CSMD1: variants seen among roughly 807,000 people sequenced by gnomAD.
CSMD1 encodes CUB and sushi domain-containing protein 1.
CSMD1 carries 213 observed loss-of-function variants against 417.5 expected under a neutral mutation model. The ratio of observed to expected loss-of-function variants is 0.51; its 90% CI spans 0.46 to 0.57. The LOEUF is 0.57. Among genes scored for constraint, CSMD1 ranks in the 20% least tolerant of loss-of-function variants. The pLI, the probability that CSMD1 is intolerant of heterozygous loss-of-function variation, is 0.00. For missense variants in CSMD1, 6,923 were observed against 4,529.7 expected (o/e 1.53, Z -15.17); for synonymous variants, 2,862 against 1,736.8 (o/e 1.65, Z -16.11).
At chr8:3,032,573 A>G (rs1424002678) in intron 50 of CSMD1, among the ~76,000 whole-genome samples, 1 of 152,044 alleles carries the variant, frequency 6.6e-6, no homozygotes. Context: ...GAATTCAAAT[A>G]AAAACAGAAC....
At chr8:3,529,848 G>T (rs1020499019) in intron 10 of CSMD1, among the ~76,000 whole-genome samples, 4 of 152,042 alleles carry the variant, frequency 2.6e-5, no homozygotes, top group Non-Finnish European at 5.9e-5. Flanking sequence ...CATTTTCTTG[G>T]ACAATAAATT....
chr8:4,767,814 G>A (rs551000278), intron 1 of CSMD1, among the ~76,000 whole-genome samples: 4 of 152,192 alleles, frequency 2.6e-5, no homozygotes, highest in South Asian at 2.1e-4. Context: ...TTATTTACCC[G>A]AGGCACTGGA....
chr8:4,127,871 C>G (rs1042469911), intron 3 of CSMD1, among the ~76,000 whole-genome samples: 19 of 152,138 alleles, frequency 1.2e-4, no homozygotes, highest in Non-Finnish European at 8.8e-5. Context: ...AACCCAGACA[C>G]TGCCAGCAAA....
At chr8:3,910,720 G>C (rs1290742825) in intron 5 of CSMD1, among the ~76,000 whole-genome samples, 9 of 152,076 alleles carry the variant, frequency 5.9e-5, no homozygotes, top group Non-Finnish European at 1.2e-4. Context: ...AGACCATTAA[G>C]GATATAAAAA....
At chr8:4,560,531 G>T (rs1409793124) in intron 2 of CSMD1, among the ~76,000 whole-genome samples, 3 of 152,158 alleles carry the variant, frequency 2.0e-5, no homozygotes, top group African/African-American at 7.2e-5. Context: ...TGCATGCATG[G>T]AAACCTCTGC....
At chr8:4,671,360 A>G (rs1805313613) in intron 1 of CSMD1, among the ~76,000 whole-genome samples, 1 of 152,022 alleles carries the variant, frequency 6.6e-6, no homozygotes, top group African/African-American at 2.4e-5. Flanking sequence ...TATCTACTTA[A>G]AAAAAATTAC....
At chr8:3,144,065 G>C (rs755334285) in intron 40 of CSMD1, among the ~76,000 whole-genome samples, 4 of 152,148 alleles carry the variant, frequency 2.6e-5, no homozygotes, top group African/African-American at 9.7e-5. Context: ...GCCCTGCTTG[G>C]TGGGCATCAC....
chr8:4,458,554 T>G (rs1346470677), intron 2 of CSMD1, among the ~76,000 whole-genome samples: 3 of 152,138 alleles, frequency 2.0e-5, no homozygotes, highest in Non-Finnish European at 4.4e-5. Context: ...ATGTTAACTG[T>G]TACTCTTTGA....
At chr8:4,097,570 A>C (rs918918) in intron 3 of CSMD1, among the ~76,000 whole-genome samples, 1 of 152,074 alleles carries the variant, frequency 6.6e-6, no homozygotes, top group African/African-American at 2.4e-5. Flanking sequence ...TACTCAGTGC[A>C]GTATGATTCT....
intron 25 of CSMD1, among the ~76,000 whole-genome samples, chr8:3,286,679 T>C (rs142214746): frequency 0.021 from 3,104 of 151,408 alleles, 103 homozygotes; most frequent in East Asian, 0.03. Flanking sequence ...GGGTTGTTTT[T>C]TTCTTGTAAA....
At chr8:4,699,702 T>TG in intron 1 of CSMD1, among the ~76,000 whole-genome samples, 1 of 152,278 alleles carries the variant, frequency 6.6e-6, no homozygotes, top group South Asian at 2.1e-4. Flanking sequence ...TTTAAAAATC[T>TG]CCCAGACAAT....
At chr8:4,055,825 T>C (rs1047489511) in intron 3 of CSMD1, among the ~76,000 whole-genome samples, 2 of 141,140 alleles carry the variant, frequency 1.4e-5, no homozygotes, top group Non-Finnish European at 2.9e-5. Context: ...GAAGTGTTGA[T>C]TTTACAGTTG....
At chr8:4,587,653 G>A (rs1193391730) in intron 2 of CSMD1, among the ~76,000 whole-genome samples, 3 of 152,030 alleles carry the variant, frequency 2.0e-5, no homozygotes, top group Non-Finnish European at 2.9e-5. Context: ...ATTTACTGAA[G>A]AGAACTATGT....
chr8:4,730,414 G>A (rs1291367440), intron 1 of CSMD1, among the ~76,000 whole-genome samples: 2 of 152,202 alleles, frequency 1.3e-5, no homozygotes, highest in Middle Eastern at 6.8e-3. Flanking sequence ...AGTTGAGTTA[G>A]GTGGGGTCAT....
At chr8:3,692,721 C>G (rs183377728) in intron 7 of CSMD1, among the ~76,000 whole-genome samples, 1 of 152,144 alleles carries the variant, frequency 6.6e-6, no homozygotes, top group South Asian at 2.1e-4. Flanking sequence ...GCATAAGCCA[C>G]CACGCCTGGC....
At chr8:3,958,920 T>C (rs1330966852) in intron 5 of CSMD1, among the ~76,000 whole-genome samples, 2 of 152,326 alleles carry the variant, frequency 1.3e-5, no homozygotes, top group East Asian at 3.9e-4. Flanking sequence ...TATACAATCA[T>C]TTGTGCAACT....
intron 1 of CSMD1, among the ~76,000 whole-genome samples, chr8:4,802,026 CATTTGCAAAGGG>C (rs1798315490): frequency 6.6e-6 from 1 of 152,052 alleles, no homozygotes; most frequent in South Asian, 2.1e-4. Context: ...GTAGACAGAC[CATTTGCAAAGGG>C]CATTAATGGA....
rs146924160 is a variant in CSMD1, at chr8:3,071,424, T to C, written c.7474+15673A>G. Among the ~76,000 whole-genome samples the C allele has an allele frequency of 7.4e-3, 1,132 of 152,024 alleles. 14 individuals carry two copies. The highest frequency in any genetic ancestry group is 0.026 in the African/African-American group (1,059 of 41,466). Reference sequence around the variant, plus strand: ...AATGCAGGGCTTAAAACCAAGATGGTGAGTTGACAGATGCAGCAAACCACC... The same window carrying C: ...AATGCAGGGCTTAAAACCAAGATGGCGAGTTGACAGATGCAGCAAACCACC... On this transcript the variant is annotated intron_variant, in intron 49 of 69. Coordinates refer to ENST00000635120, the MANE Select transcript of CSMD1 (RefSeq NM_033225.6).
chr8:3,824,431 T>A (rs978300418), intron 5 of CSMD1, among the ~76,000 whole-genome samples: 1 of 152,122 alleles, frequency 6.6e-6, no homozygotes, highest in Non-Finnish European at 1.5e-5. Flanking sequence ...GACATTACAA[T>A]CCTGTGTAAC....
Sources: allele counts gnomAD v4.1 joint callset (sites outside exome capture counted in the v4.1 genomes callset), GRCh38; gene constraint gnomAD v4.1.1; transcripts MANE v1.5; gene names NCBI Gene and HGNC (gene_info 2026-07-23, HGNC 2026-07-21).